Variants in FGFR1OP2 observed in about 807,000 individuals in gnomAD.
FGFR1OP2 encodes the protein fibroblast growth factor receptor 1 oncogene partner 2.
Under a neutral mutation model 35.2 loss-of-function variants are expected in FGFR1OP2, and 17 were observed. The ratio of observed to expected loss-of-function variants is 0.48; its 90% CI spans 0.33 to 0.73. The LOEUF (loss-of-function observed/expected upper bound fraction) is 0.73. Ranked by LOEUF, FGFR1OP2 falls within the 30% of genes least tolerant of loss-of-function variation. FGFR1OP2 has a pLI of 0.02. For missense variants in FGFR1OP2, 251 were observed against 307.3 expected, an observed-to-expected ratio of 0.82 and a Z score of 1.37; for synonymous variants, 105 against 104.6, an observed-to-expected ratio of 1.00 and a Z score of -0.03.
intron 4 of FGFR1OP2, among the ~76,000 whole-genome samples, chr12:26,959,298 A>G (rs544286268): frequency 3.3e-5 from 5 of 152,238 alleles, no homozygotes; most frequent in Admixed American, 2.0e-4. Flanking sequence ...ATTGTTAATG[A>G]GACCATTCTA....
At chr12:26,947,316 TC>T (rs201287586) in intron 1 of FGFR1OP2, among the ~76,000 whole-genome samples, 1,878 of 152,346 alleles carry the variant, frequency 0.012, 20 homozygotes, top group Non-Finnish European at 0.018. Context: ...GAATTGCATT[TC>T]AGTGATGGCT....
intron 1 of FGFR1OP2, among the ~76,000 whole-genome samples, chr12:26,943,587 A>G (rs1938771783): frequency 6.6e-6 from 1 of 152,140 alleles, no homozygotes; most frequent in Admixed American, 6.5e-5. Context: ...CACTTTGGGA[A>G]GTCAAGGCAG....
intron 5 of FGFR1OP2, chr12:26,961,761 C>G (rs1208953505): frequency 1.3e-5 from 2 of 152,260 alleles, no homozygotes; most frequent in Non-Finnish European, 2.9e-5. Flanking sequence ...TGCTTGCTTT[C>G]TGTGTAGTTT....
intron 5 of FGFR1OP2, 42 bp from the exon 6 acceptor site, chr12:26,963,300 A>C (rs763497503): frequency 1.5e-6 from 2 of 1,354,668 alleles, no homozygotes; most frequent in African/African-American, 2.9e-5. Context: ...CAAAAATAAA[A>C]AAGTATTTTG....
chr12:26,950,828 G>C (rs746566327), intron 1 of FGFR1OP2, among the ~76,000 whole-genome samples: 1 of 152,184 alleles, frequency 6.6e-6, no homozygotes, highest in Non-Finnish European at 1.5e-5. Context: ...AAATTCAAAA[G>C]TTTTGTTTTG....
At chr12:26,942,062 T>C (rs1173862847) in intron 1 of FGFR1OP2, among the ~76,000 whole-genome samples, 1 of 152,248 alleles carries the variant, frequency 6.6e-6, no homozygotes, top group Non-Finnish European at 1.5e-5. Flanking sequence ...TGATGGAATC[T>C]TGCTCTGTCG....
intron 1 of FGFR1OP2, among the ~76,000 whole-genome samples, chr12:26,950,738 A>G (rs1347828809): frequency 6.6e-6 from 1 of 152,212 alleles, no homozygotes; most frequent in Non-Finnish European, 1.5e-5. Flanking sequence ...TACCTGTTGC[A>G]TATCAAGCCT....
intron 4 of FGFR1OP2, among the ~76,000 whole-genome samples, chr12:26,958,475 T>G (rs943022778): frequency 1.3e-5 from 2 of 152,214 alleles, no homozygotes; most frequent in African/African-American, 4.8e-5. Context: ...AGCAGTTTAA[T>G]GTAGATTTTT....
intron 1 of FGFR1OP2, among the ~76,000 whole-genome samples, chr12:26,945,676 C>T (rs539463443): frequency 1.8e-4 from 28 of 152,236 alleles, no homozygotes; most frequent in Middle Eastern, 3.4e-3. Context: ...GCCTGGCCAA[C>T]GTGGTGAAAC....
At chr12:26,946,775 AT>A (rs1938829703) in intron 1 of FGFR1OP2, among the ~76,000 whole-genome samples, 1 of 152,130 alleles carries the variant, frequency 6.6e-6, no homozygotes, top group South Asian at 2.1e-4. Flanking sequence ...ATTTTAGAAC[AT>A]TTTTCCCGCG....
At position 26,963,427 on chromosome 12, in the gene FGFR1OP2, A is replaced by G. The variant is rs1380462626; in HGVS notation, c.596A>G (p.Lys199Arg). 1.2e-6 allele frequency: 2 copies of G among 1,606,356 alleles called. No homozygotes were observed. The highest frequency in any genetic ancestry group is 1.7e-6 in the Non-Finnish European group (2 of 1,175,406). ...AIEIDEQQGC[K>R]EQERIFQLEQ... ...GAAATTGACGAGCAACAGGGTTGCA[A>G]GGAACAAGAACGAATATTTCAACTT... is the stretch of plus-strand genomic sequence containing the variant. Residue 199 changes from lysine (K) to arginine (R), a missense_variant, in exon 6 of 7, where the codon AAG becomes AGG. By Grantham distance (26) the Lys-to-Arg change is conservative. Coordinates refer to ENST00000229395, the MANE Select transcript of FGFR1OP2 (RefSeq NM_015633.3).
chr12:26,963,488 T>C (rs760623645), intron 6 of FGFR1OP2, 33 bp downstream of exon 6: 2 of 1,394,968 alleles, frequency 1.4e-6, no homozygotes, highest in South Asian at 2.5e-5. Context: ...AGATGAAAAC[T>C]GTCCATATAA....
chr12:26,948,347 GTTC>G (rs1938862496), intron 1 of FGFR1OP2, among the ~76,000 whole-genome samples: 1 of 152,108 alleles, frequency 6.6e-6, no homozygotes, highest in African/African-American at 2.4e-5. Flanking sequence ...CTGGAAATAA[GTTC>G]TTCTTTCTCT....
At chr12:26,959,162 A>G (rs1365435724) in intron 4 of FGFR1OP2, among the ~76,000 whole-genome samples, 1 of 152,084 alleles carries the variant, frequency 6.6e-6, no homozygotes, top group Non-Finnish European at 1.5e-5. Flanking sequence ...TCTTGTGTCA[A>G]CCAGTAAAAT....
rs900743 is a variant in FGFR1OP2, at chr12:26,965,680, C to A, written c.*947C>A. On this transcript the variant is annotated 3_prime_UTR_variant, in exon 7 of 7. Coordinates refer to ENST00000229395, the MANE Select transcript of FGFR1OP2 (RefSeq NM_015633.3). ...GAGATACAAAAAAAAAAAGTAAATA[C>A]AATTTCAAAAAAAAAGTTCCGGATC... 0.84 allele frequency: 127,283 copies of A among 150,684 alleles called. 53,790 individuals are homozygous for A. Among genetic ancestry groups the A allele is most frequent in the Non-Finnish European group, 0.88 (59,154 of 67,586 alleles). 9.3% of individuals were successfully genotyped at this position (150,684 alleles called of 1,614,324 possible).
intron 1 of FGFR1OP2, among the ~76,000 whole-genome samples, chr12:26,947,502 G>A (rs990147744): frequency 3.3e-5 from 5 of 151,980 alleles, no homozygotes; most frequent in African/African-American, 7.2e-5. Context: ...CGCCCTCACC[G>A]TTCCGAGTAG....
chr12:26,964,851 G>A lies in FGFR1OP2; in HGVS notation c.*118G>A. On this transcript the variant is annotated 3_prime_UTR_variant, in exon 7 of 7. Transcript: ENST00000229395. ...TCTCTGTAAATATGTACAGTGCACG[G>A]GCTATGAGATAGCAACAAAAAATGC... The A allele has an allele frequency of 1.9e-6, 2 of 1,054,032 alleles. No homozygotes were observed. Among genetic ancestry groups the A allele is most frequent in the Non-Finnish European group, 1.3e-6 (1 of 747,604 alleles). 65.3% of individuals were successfully genotyped at this position (1,054,032 alleles called of 1,614,324 possible).
chr12:26,957,597 A>G lies in FGFR1OP2; in HGVS notation c.254-4A>G, dbSNP rs369675830. On this transcript the variant is annotated splice_polypyrimidine_tract_variant and splice_region_variant and intron_variant, in intron 3 of 6. Coordinates refer to ENST00000229395, the MANE Select transcript of FGFR1OP2 (RefSeq NM_015633.3). ...GGAATAAAATACAATATTATTCTTG[A>G]TAGAATTACGTACATCTCTGGAAGA... is the stretch of plus-strand genomic sequence containing the variant. The G allele has an allele frequency of 1.9e-6, 3 of 1,608,410 alleles. No individual in the cohort carries two copies. The highest frequency in any genetic ancestry group is 2.2e-5 in the South Asian group (2 of 90,138).
At chr12:26,959,004 C>T (rs905273039) in intron 4 of FGFR1OP2, among the ~76,000 whole-genome samples, 3 of 152,002 alleles carry the variant, frequency 2.0e-5, no homozygotes, top group Admixed American at 2.0e-4. Context: ...ATTATTGAAA[C>T]ACATTTTAGA....
Sources: gnomAD v4.1 joint callset for allele counts (sites outside exome capture counted in the v4.1 genomes callset) on GRCh38, gnomAD v4.1.1 for gene constraint, MANE v1.5 for transcripts, NCBI Gene and HGNC (gene_info 2026-07-23, HGNC 2026-07-21) for gene names.